The following PDZRN4 variants were observed in gnomAD, a reference collection of about 807,000 sequenced individuals.
PDZRN4 encodes PDZ domain containing ring finger 4.
A neutral mutation model predicts 99.0 loss-of-function variants in PDZRN4; 70 were observed. The ratio of observed to expected loss-of-function variants is 0.71; its 90% CI spans 0.58 to 0.86. The LOEUF (loss-of-function observed/expected upper bound fraction) is 0.86, where lower values mean the gene tolerates loss of function less well. Among genes scored for constraint, PDZRN4 ranks in the 40% least tolerant of loss-of-function variants. The pLI is 0.00. For synonymous variants in PDZRN4, 551 were observed against 501.6 expected (o/e 1.10, Z -1.32); for missense variants, 1,474 against 1,331.2 (o/e 1.11, Z -1.67).
At position 41,550,660 on chromosome 12, in the gene PDZRN4, A is replaced by G. The variant is rs372831937; in HGVS notation, c.1204-1996A>G. On this transcript the variant is annotated intron_variant, in intron 5 of 9. Transcript: ENST00000402685. Reference sequence around the variant, plus strand: ...CTTCTTAAGCACTATAATATAGAGTATCTTTGTCCACCAGTCAGAAAGTCA... The same window carrying G: ...CTTCTTAAGCACTATAATATAGAGTGTCTTTGTCCACCAGTCAGAAAGTCA... Among the ~76,000 whole-genome samples, 13 of 152,282 alleles carry G rather than the reference A, an allele frequency of 8.5e-5. No individual in the cohort carries two copies. The East Asian group carries it at 2.1e-3, about 25-fold the overall frequency.
In PDZRN4 at chr12:41,265,491, C is replaced by G. The variant is rs1309644706; in HGVS notation, c.843+71303C>G. Among the ~76,000 whole-genome samples the G allele has an allele frequency of 6.6e-5, 10 of 152,246 alleles. No individual in the cohort carries two copies. In the East Asian group the frequency reaches 1.7e-3, roughly 26 times the overall value. On this transcript the variant is annotated intron_variant, in intron 3 of 9. Transcript: ENST00000402685. ...AACACAGCAAGGACCGATCTCAAAT[C>G]CTGTCTTAAATCCTGCAGGTTAGAT... is the stretch of plus-strand genomic sequence containing the variant.
chr12:41,416,032 A>C (rs1952442522), intron 3 of PDZRN4, among the ~76,000 whole-genome samples: 1 of 152,206 alleles, frequency 6.6e-6, no homozygotes, highest in South Asian at 2.1e-4. Flanking sequence ...ATGACTTTAC[A>C]ACTGTGTGAT....
In PDZRN4 at chr12:41,435,460, C is replaced by T. The variant is rs59638402; in HGVS notation, c.844-70996C>T. Among the ~76,000 whole-genome samples the T allele has an allele frequency of 4.4e-3, 665 of 152,280 alleles. 6 individuals are homozygous for T. Among genetic ancestry groups the T allele is most frequent in the African/African-American group, 0.015 (643 of 41,560 alleles). Reference sequence around the variant, plus strand: ...AGAAGGGTGAGCCATCTTTGCCTTACTGCACTCTAATTCCTTGATCTGACT... The same window carrying T: ...AGAAGGGTGAGCCATCTTTGCCTTATTGCACTCTAATTCCTTGATCTGACT... On this transcript the variant is annotated intron_variant, in intron 3 of 9. Transcript: ENST00000402685.
intron 5 of PDZRN4, among the ~76,000 whole-genome samples, chr12:41,546,348 G>T (rs1051913309): frequency 6.6e-6 from 1 of 152,156 alleles, no homozygotes; most frequent in Non-Finnish European, 1.5e-5. Flanking sequence ...CCCAAGAAAG[G>T]CAGGATTAGA....
intron 3 of PDZRN4, among the ~76,000 whole-genome samples, chr12:41,350,167 G>A (rs761084142): frequency 2.6e-5 from 4 of 151,940 alleles, no homozygotes; most frequent in Non-Finnish European, 4.4e-5. Flanking sequence ...TCAATGCTGG[G>A]ATTATAAAAA....
intron 3 of PDZRN4, among the ~76,000 whole-genome samples, chr12:41,457,343 A>G (rs1409685276): frequency 3.3e-5 from 5 of 152,180 alleles, no homozygotes; most frequent in African/African-American, 4.8e-5. Flanking sequence ...TCTGAAATGC[A>G]TTTTGCTATC....
intron 3 of PDZRN4, chr12:41,412,916 C>T (rs564741745): frequency 6.6e-6 from 1 of 151,880 alleles, no homozygotes; most frequent in Non-Finnish European, 1.5e-5. Flanking sequence ...ATGGTGAAAC[C>T]CCATCTTTAC....
intron 3 of PDZRN4, among the ~76,000 whole-genome samples, chr12:41,314,889 GA>G (rs1951628833): frequency 6.6e-6 from 1 of 151,816 alleles, no homozygotes; most frequent in Non-Finnish European, 1.5e-5. Flanking sequence ...ACAGAATAAA[GA>G]AAATGCTTCT....
chr12:41,417,556 G>A (rs1952455221), intron 3 of PDZRN4, among the ~76,000 whole-genome samples: 1 of 152,204 alleles, frequency 6.6e-6, no homozygotes, highest in South Asian at 2.1e-4. Flanking sequence ...CAAAGATGAT[G>A]CTTGTACTCC....
intron 3 of PDZRN4, among the ~76,000 whole-genome samples, chr12:41,382,109 C>T (rs1022048893): frequency 2.0e-5 from 3 of 152,162 alleles, no homozygotes; most frequent in African/African-American, 7.2e-5. Context: ...TACTCCCTGC[C>T]CATGTGGTGC....
At position 41,191,521 on chromosome 12, in the gene PDZRN4, A is replaced by G; in HGVS notation, c.712A>G (p.Ile238Val). The part of the protein sequence containing the change: ...ERENDTLGFN[I>V]IGGRPNQNNQ... Reference sequence around the variant, plus strand: ...AGAAAATGACACTTTGGGATTCAATATTATAGGAGGTCGACCAAATCAGGT... The same window carrying G: ...AGAAAATGACACTTTGGGATTCAATGTTATAGGAGGTCGACCAAATCAGGT... Residue 238 changes from isoleucine (I) to valine (V), a missense_variant, in exon 2 of 10, where the codon ATT (isoleucine) becomes GTT (valine). Coordinates refer to ENST00000402685, the MANE Select transcript of PDZRN4 (RefSeq NM_001164595.2). 6.4e-7 allele frequency: 1 copy of G among 1,557,408 alleles called. No individual in the cohort carries two copies. The highest frequency in any genetic ancestry group is 8.8e-7 in the Non-Finnish European group (1 of 1,142,482).
chr12:41,336,113 G>A (rs1024608712), intron 3 of PDZRN4, among the ~76,000 whole-genome samples: 4 of 151,984 alleles, frequency 2.6e-5, no homozygotes, highest in South Asian at 2.1e-4. Context: ...GCATGCGGAC[G>A]CAACACAATC....
chr12:41,398,691 A>C (rs1952267661), intron 3 of PDZRN4, among the ~76,000 whole-genome samples: 1 of 152,186 alleles, frequency 6.6e-6, no homozygotes, highest in Admixed American at 6.6e-5. Context: ...TTATATCACA[A>C]CTGAAGCCTA....
intron 3 of PDZRN4, among the ~76,000 whole-genome samples, chr12:41,446,613 A>T (rs1319021643): frequency 6.6e-6 from 1 of 152,068 alleles, no homozygotes; most frequent in Non-Finnish European, 1.5e-5. Context: ...CTTTGTGCTC[A>T]GAACTCTGCT....
At chr12:41,508,306 A>G (rs914428302) in intron 4 of PDZRN4, among the ~76,000 whole-genome samples, 1 of 151,992 alleles carries the variant, frequency 6.6e-6, no homozygotes, top group Non-Finnish European at 1.5e-5. Flanking sequence ...CTTAGAGACA[A>G]CCTCCTCTAG....
At chr12:41,384,217 T>C (rs1952148706) in intron 3 of PDZRN4, among the ~76,000 whole-genome samples, 1 of 152,086 alleles carries the variant, frequency 6.6e-6, no homozygotes, top group Admixed American at 6.6e-5. Context: ...TTGAATAATG[T>C]TTTTGCAAAA....
chr12:41,331,347 A>G (rs1242472707), intron 3 of PDZRN4, among the ~76,000 whole-genome samples: 2 of 152,130 alleles, frequency 1.3e-5, no homozygotes, highest in Non-Finnish European at 2.9e-5. Context: ...TTATATACAA[A>G]TATGTCAATG....
At chr12:41,320,162 G>C (rs1951665972) in intron 3 of PDZRN4, among the ~76,000 whole-genome samples, 2 of 152,162 alleles carry the variant, frequency 1.3e-5, no homozygotes, top group Admixed American at 6.6e-5. Flanking sequence ...TCAGCACTAG[G>C]GCCTTGGCTG....
chr12:41,286,840 A>T (rs913207584), intron 3 of PDZRN4, among the ~76,000 whole-genome samples: 1 of 152,208 alleles, frequency 6.6e-6, no homozygotes, highest in African/African-American at 2.4e-5. Flanking sequence ...CGAAGTTATG[A>T]CTGTTTACAT....
Sources: gnomAD v4.1 joint callset for allele counts (sites outside exome capture counted in the v4.1 genomes callset) on GRCh38, gnomAD v4.1.1 for gene constraint, MANE v1.5 for transcripts, NCBI Gene and HGNC (gene_info 2026-07-23, HGNC 2026-07-21) for gene names.